LTN1: variants seen among roughly 807,000 people sequenced by gnomAD.
LTN1 encodes listerin E3 ubiquitin protein ligase 1, also known as E3 ubiquitin-protein ligase listerin.
Under a neutral mutation model 201.2 loss-of-function variants are expected in LTN1, and 88 were observed. The ratio of observed to expected loss-of-function variants is 0.44; its 90% CI spans 0.37 to 0.52. The LOEUF (loss-of-function observed/expected upper bound fraction) is 0.52. Ranked by LOEUF, LTN1 falls within the 20% of genes least tolerant of loss-of-function variation. LTN1 has a pLI of 0.00. For synonymous variants in LTN1, 645 were observed against 713.5 expected, an observed-to-expected ratio of 0.90 and a Z score of 1.53; for missense variants, 1,752 against 2,038.7, an observed-to-expected ratio of 0.86 and a Z score of 2.71.
intron 6 of LTN1, among the ~76,000 whole-genome samples, chr21:28,980,386 G>A (rs1390004552): frequency 8.4e-6 from 1 of 119,198 alleles, no homozygotes; most frequent in Non-Finnish European, 1.6e-5. Context: ...ATAAAACAAG[G>A]TTATGGTGGG....
intron 11 of LTN1, among the ~76,000 whole-genome samples, chr21:28,964,124 T>C (rs2084501757): frequency 2.6e-5 from 4 of 152,224 alleles, no homozygotes; most frequent in African/African-American, 9.6e-5. Flanking sequence ...ACTTAGATGA[T>C]ACAGCAGTGG....
intron 18 of LTN1, 57 bp downstream of exon 18, chr21:28,952,103 T>C: frequency 2.1e-6 from 2 of 969,198 alleles, no homozygotes; most frequent in Admixed American, 2.3e-5. Context: ...AATTAGGGGT[T>C]GCCAAAGTGA....
At chr21:28,940,562 C>A (rs562989892) in intron 25 of LTN1, among the ~76,000 whole-genome samples, 4 of 151,642 alleles carry the variant, frequency 2.6e-5, no homozygotes, top group Non-Finnish European at 4.4e-5. Context: ...GACAAACTGA[C>A]TCCCTCCGAA....
chr21:28,990,730 G>T (rs1439987362), intron 1 of LTN1, among the ~76,000 whole-genome samples: 3 of 152,114 alleles, frequency 2.0e-5, no homozygotes, highest in Admixed American at 2.0e-4. Context: ...AAATTGTTTA[G>T]CCTGAATCTA....
At chr21:28,959,182 T>C (rs1355557803) in intron 13 of LTN1, among the ~76,000 whole-genome samples, 1 of 152,208 alleles carries the variant, frequency 6.6e-6, no homozygotes, top group Non-Finnish European at 1.5e-5. Flanking sequence ...TTAAGGAACA[T>C]GCCAGAACTA....
chr21:28,985,660 T>TC lies in LTN1; in HGVS notation c.345+478_345+479insG, dbSNP rs944441775. On this transcript the variant is annotated intron_variant, in intron 3 of 29. Transcript: ENST00000361371. Reference sequence around the variant, plus strand: ...TTCATAACCCAACACAATCCAATCTTTTTTTTTTTTTTTTTTAAAGACATT... The same window carrying TC: ...TTCATAACCCAACACAATCCAATCTTCTTTTTTTTTTTTTTTTAAAGACATT... Among the ~76,000 whole-genome samples the TC allele has an allele frequency of 2.3e-5, 3 of 130,016 alleles. No homozygotes were observed. In the East Asian group the frequency reaches 6.0e-4, roughly 26 times the overall value. 85.3% of individuals were successfully genotyped at this position (130,016 alleles called of 152,430 possible). A position where few individuals can be genotyped will look rare whatever the true frequency, so the allele number is the denominator to read the frequency against.
rs747264702 is a variant in LTN1 at position 28,966,662 on chromosome 21, G to T, written c.1829C>A (p.Ser610Ter). ...ISINYVNERKSEQHLRFLSTL... is the reference protein window; with the variant it reads ...ISINYVNERK Reference sequence around the variant, plus strand: ...AGAAAGAAACCTTAGATGTTGCTCTGACTTTCGTTCATTGACATAATTAAT... The same window carrying T: ...AGAAAGAAACCTTAGATGTTGCTCTTACTTTCGTTCATTGACATAATTAAT... The change falls in exon 10 of 30, where the codon TCA (serine) becomes TAA (stop). Residue 610 changes from serine to a stop codon, truncating the protein, a stop_gained. Transcript: ENST00000361371. LOFTEE classifies it high-confidence loss of function. 1 of 1,613,932 alleles carries T rather than the reference G, an allele frequency of 6.2e-7. No homozygotes were observed. The highest frequency in any genetic ancestry group is 2.2e-5 in the East Asian group (1 of 44,852).
At chr21:28,930,673 T>C (rs1223019471) in intron 29 of LTN1, among the ~76,000 whole-genome samples, 163 bp from the exon 30 acceptor site, 2 of 152,232 alleles carry the variant, frequency 1.3e-5, no homozygotes. Flanking sequence ...TTAACACAAA[T>C]TGAGTATTAC....
chr21:28,957,557 T>C (rs919197820), intron 14 of LTN1, 81 bp from the exon 15 acceptor site: 5 of 892,038 alleles, frequency 5.6e-6, no homozygotes, highest in Non-Finnish European at 7.8e-6. Flanking sequence ...AAATACCCTA[T>C]AATAGCTCAC....
intron 8 of LTN1, 92 bp from the exon 9 acceptor site, chr21:28,969,693 A>T: frequency 1.2e-6 from 1 of 832,822 alleles, no homozygotes; most frequent in Non-Finnish European, 1.8e-6. Flanking sequence ...AGGCATCATG[A>T]CAGAAGAAAC....
At position 28,936,658 on chromosome 21, in the gene LTN1, T is replaced by C. The variant is rs1405311910; in HGVS notation, c.4522A>G (p.Ser1508Gly). ...AGGTGATAGAGCAATTTATTCAAAC[T>C]CTTTGTTTTCCGAAGATACATGGAA... ...LYSMYLRKTK[S>G]LNKLLYHLFR... The change falls in exon 26 of 30, where the codon AGT becomes GGT. Residue 1508 changes from serine (S) to glycine (G), a missense_variant. Around this residue, in one of 3 missense-constraint regions of LTN1, gnomAD observed 261 missense variants for 350.1 expected, o/e 0.75. Transcript: ENST00000361371. 2.5e-6 allele frequency: 4 copies of C among 1,613,504 alleles called. No homozygotes were observed. Among genetic ancestry groups the C allele is most frequent in the Non-Finnish European group, 3.4e-6 (4 of 1,179,616 alleles).
chr21:28,979,167 G>A (rs2084639693), intron 6 of LTN1, among the ~76,000 whole-genome samples: 1 of 152,224 alleles, frequency 6.6e-6, no homozygotes, highest in African/African-American at 2.4e-5. Context: ...CCTAGTGATG[G>A]CTAGAATATA....
intron 19 of LTN1, among the ~76,000 whole-genome samples, chr21:28,946,854 T>C (rs2084341719): frequency 6.6e-6 from 1 of 152,194 alleles, no homozygotes; most frequent in Admixed American, 6.5e-5. Flanking sequence ...TACCCTTGTA[T>C]GTTTTTGTGT....
chr21:28,956,270 T>C (rs1331498395), intron 16 of LTN1, among the ~76,000 whole-genome samples: 1 of 152,194 alleles, frequency 6.6e-6, no homozygotes, highest in Non-Finnish European at 1.5e-5. Context: ...AGATTTGAAA[T>C]GTTCTCAACA....
rs763749293 is a variant in LTN1 at position 28,946,132 on chromosome 21, T to C, written c.3623+20A>G. 2.2e-5 allele frequency: 34 copies of C among 1,555,102 alleles called. No individual in the cohort carries two copies. Among genetic ancestry groups the C allele is most frequent in the African/African-American group, 4.2e-5 (3 of 71,848 alleles). ...TGAATTGTATACTGAAGGAAAAACA[T>C]AGTATAAAGTATCACCTACCAACTG... On this transcript the variant is annotated intron_variant, in intron 20 of 29. Transcript: ENST00000361371.
chr21:28,954,089 T>C (rs2084405484), intron 16 of LTN1, among the ~76,000 whole-genome samples: 1 of 152,118 alleles, frequency 6.6e-6, no homozygotes, highest in African/African-American at 2.4e-5. Context: ...AACAATAATA[T>C]CTGACTAATG....
rs534400812 is a variant in LTN1 at position 28,956,724 on chromosome 21, A to C, written c.3079+38T>G. 5 of 1,027,114 alleles carry C rather than the reference A, an allele frequency of 4.9e-6. No individual in the cohort carries two copies. The African/African-American group carries it at 8.3e-5, about 17-fold the overall frequency. 63.6% of individuals were successfully genotyped at this position (1,027,114 alleles called of 1,614,324 possible). A position where few individuals can be genotyped will look rare whatever the true frequency, so the allele number is the denominator to read the frequency against. On this transcript the variant is annotated intron_variant, in intron 16 of 29. Coordinates refer to ENST00000361371, the MANE Select transcript of LTN1 (RefSeq NM_015565.3). ...GATTATTTCAAAATTATATTCATTC[A>C]TGCATTATGTTATATGTAAATACTC...
chr21:28,955,081 A>G (rs1038915335), intron 16 of LTN1, among the ~76,000 whole-genome samples: 1 of 152,054 alleles, frequency 6.6e-6, no homozygotes, highest in African/African-American at 2.4e-5. Flanking sequence ...AAACAACTCA[A>G]CGGCAAGAAA....
chr21:28,961,784 G>T (rs372392503), intron 11 of LTN1, among the ~76,000 whole-genome samples: 65 of 152,174 alleles, frequency 4.3e-4, no homozygotes, highest in Middle Eastern at 6.8e-3. Flanking sequence ...TTAATTGATG[G>T]TTTTTTTAAA....
Sources: gnomAD v4.1 joint callset for allele counts (sites outside exome capture counted in the v4.1 genomes callset) on GRCh38, gnomAD v4.1.1 for gene constraint, gnomAD v4.1.1 regional missense constraint, MANE v1.5 for transcripts, NCBI Gene and HGNC (gene_info 2026-07-23, HGNC 2026-07-21) for gene names.